The following SNX5 variants were observed in gnomAD, a reference collection of about 807,000 sequenced individuals.
SNX5 encodes sorting nexin-5.
In SNX5, 31 loss-of-function variants were observed where a neutral mutation model predicts 53.9. The ratio of observed to expected loss-of-function variants is 0.58; its 90% CI spans 0.43 to 0.78. The LOEUF (loss-of-function observed/expected upper bound fraction) is 0.78, where lower values mean the gene tolerates loss of function less well. Among genes scored for constraint, SNX5 ranks in the 30% least tolerant of loss-of-function variants. The pLI is 0.00. For synonymous variants in SNX5, 168 were observed against 171.1 expected (o/e 0.98, Z 0.14); for missense variants, 471 against 478.8 (o/e 0.98, Z 0.15).
In SNX5 at chr20:17,968,477, G is replaced by C. The variant is rs1029587579; in HGVS notation, c.-52C>G. The C allele has an allele frequency of 2.2e-5, 28 of 1,289,382 alleles. No individual in the cohort carries two copies. Among genetic ancestry groups the C allele is most frequent in the Non-Finnish European group, 2.7e-5 (27 of 1,016,562 alleles). The allele number at this position is 1,289,382 out of a possible 1,614,324, so 79.9% of individuals were successfully genotyped here. ...GCCTGGCTGTGCGAGGAAAGAAGAA[G>C]CTGGGCCGCCGCCGCCGCCGCCTGG... On this transcript the variant is annotated 5_prime_UTR_variant, in exon 1 of 13. Coordinates refer to ENST00000377759, the MANE Select transcript of SNX5 (RefSeq NM_014426.4).
chr20:17,967,869 G>T (rs999530933), intron 1 of SNX5: 4 of 395,536 alleles, frequency 1.0e-5, no homozygotes, highest in Admixed American at 4.4e-5. Context: ...AACGCATTTT[G>T]CGTTTCTAAA....
At chr20:17,956,132 G>A (rs6111758) in intron 2 of SNX5, among the ~76,000 whole-genome samples, 43,162 of 151,014 alleles carry the variant, frequency 0.29, 6,330 homozygotes, top group East Asian at 0.44. Context: ...TTATGACAAA[G>A]AAGAAAAATA....
chr20:17,956,105 TACCCCCC>T (rs1480014630), intron 2 of SNX5, among the ~76,000 whole-genome samples: 2 of 152,068 alleles, frequency 1.3e-5, no homozygotes, highest in South Asian at 2.1e-4. Flanking sequence ...AGTCTGAATT[TACCCCCC>T]ACCCCCAACT....
intron 3 of SNX5, among the ~76,000 whole-genome samples, chr20:17,955,116 G>T (rs1159350622): frequency 6.6e-6 from 1 of 152,004 alleles, no homozygotes. Flanking sequence ...CCTAAAGGTA[G>T]GTAAGACTAA....
rs1568590075 is a variant in SNX5 at position 17,950,187 on chromosome 20, G to C, written c.736C>G (p.His246Asp). The C allele has an allele frequency of 6.2e-7, 1 of 1,614,160 alleles. No individual in the cohort carries two copies. Among genetic ancestry groups the C allele is most frequent in the Non-Finnish European group, 8.5e-7 (1 of 1,180,004 alleles). ...AGGCTATGTAAGCAGGCTGCGGTGT[G>C]GATATAGTCATCGGCAACATCTGCA... ...SHKNVADDYI[H>D]TAACLHSLAL... is the part of the protein sequence containing the mutation. Residue 246 changes from histidine (H) to aspartate (D), a missense_variant, in exon 8 of 13, where the codon CAC becomes GAC. Transcript: ENST00000377759.
intron 1 of SNX5, among the ~76,000 whole-genome samples, chr20:17,963,403 C>T (rs1600355591): frequency 6.6e-6 from 1 of 152,196 alleles, no homozygotes; most frequent in South Asian, 2.1e-4. Flanking sequence ...GATTTTGAGT[C>T]TGCAGTGAAC....
chr20:17,944,547 TTTTC>T (rs2039460260), intron 11 of SNX5: 2 of 152,088 alleles, frequency 1.3e-5, no homozygotes, highest in South Asian at 4.2e-4. Flanking sequence ...ATCTACTCCT[TTTTC>T]TTTTTTTTTC....
rs59252584 is a variant in SNX5 at position 17,956,673 on chromosome 20, C to CAAAAAA, written c.156+254_156+259dup. Among the ~76,000 whole-genome samples the CAAAAAA allele has an allele frequency of 1.8e-3, 149 of 84,864 alleles. 6 individuals are homozygous for CAAAAAA. Among genetic ancestry groups the CAAAAAA allele is most frequent in the African/African-American group, 2.7e-3 (56 of 21,008 alleles). 55.7% of individuals were successfully genotyped at this position (84,864 alleles called of 152,430 possible). On this transcript the variant is annotated intron_variant, in intron 2 of 12. Transcript: ENST00000377759. ...CTGGGCAACACAATGAGACTGTCTC[C>CAAAAAA]AAAAAAAAAAAAAAAAAAAAAAAAA...
intron 10 of SNX5, among the ~76,000 whole-genome samples, chr20:17,948,019 G>T (rs1341241651): frequency 6.6e-6 from 1 of 152,234 alleles, no homozygotes; most frequent in Non-Finnish European, 1.5e-5. Flanking sequence ...ACTGGGCAAT[G>T]AAGTAGTAAG....
chr20:17,953,374 T>C (rs3790303), intron 4 of SNX5, among the ~76,000 whole-genome samples: 39,994 of 152,192 alleles, frequency 0.26, 5,744 homozygotes, highest in East Asian at 0.44. Flanking sequence ...AAATCTATTT[T>C]TGTTTGAAAA....
At chr20:17,950,854 A>G (rs1272466494) in intron 6 of SNX5, among the ~76,000 whole-genome samples, 2 of 152,166 alleles carry the variant, frequency 1.3e-5, no homozygotes, top group Non-Finnish European at 1.5e-5. Context: ...CATACACCTT[A>G]AACTGGACCA....
At chr20:17,957,263 G>A (rs765796972) in intron 1 of SNX5, among the ~76,000 whole-genome samples, 7 of 151,806 alleles carry the variant, frequency 4.6e-5, no homozygotes, top group Non-Finnish European at 1.0e-4. Flanking sequence ...GTGAAACCCC[G>A]TCTCTACTAA....
chr20:17,953,729 C>T (rs2035305420), intron 4 of SNX5, among the ~76,000 whole-genome samples: 2 of 152,164 alleles, frequency 1.3e-5, no homozygotes, highest in African/African-American at 4.8e-5. Context: ...GACCAGCATC[C>T]TTAATAAGTA....
Position 17,950,340 on chromosome 20 carries a change from C to T in SNX5, c.666G>A (p.Arg222=). 1 of 1,613,576 alleles carries T rather than the reference C, an allele frequency of 6.2e-7. No individual in the cohort carries two copies. Among genetic ancestry groups the T allele is most frequent in the Non-Finnish European group, 8.5e-7 (1 of 1,179,618 alleles). ...CAGCTTTCACACAAGAATCTTTGAT[C>T]CTATTGTAATAGTTAATAAGGAAGT... is the stretch of plus-strand genomic sequence containing the variant. The part of the protein sequence containing the change: ...EKNFLINYYN[R]IKDSCVKADK... The change falls in exon 7 of 13, where the codon AGG becomes AGA. Residue 222 remains arginine, a synonymous_variant. Transcript: ENST00000377759.
chr20:17,953,299 G>C (rs1254942004), intron 4 of SNX5, among the ~76,000 whole-genome samples: 1 of 152,202 alleles, frequency 6.6e-6, no homozygotes, highest in Non-Finnish European at 1.5e-5. Flanking sequence ...TTGAAGAGGG[G>C]AGGAATGAGT....
intron 1 of SNX5, among the ~76,000 whole-genome samples, chr20:17,960,869 T>A (rs1232658239): frequency 2.6e-5 from 4 of 151,974 alleles, no homozygotes; most frequent in African/African-American, 9.7e-5. Context: ...TTTTAAAAAA[T>A]TTTTAAAAAC....
chr20:17,965,902 C>T (rs2035529219), intron 1 of SNX5, among the ~76,000 whole-genome samples: 1 of 152,042 alleles, frequency 6.6e-6, no homozygotes, highest in African/African-American at 2.4e-5. Context: ...TTTGGACTTG[C>T]TATGGTATTG....
Position 17,968,710 on chromosome 20 carries a change from C to G in SNX5, c.-285G>C, listed in dbSNP as rs1448580673. ...CCACGTGGGGCCTACCCTTGCTCCG[C>G]TCCACGAGGAGGCCGCCAACCGCAG... is the stretch of plus-strand genomic sequence containing the variant. On this transcript the variant is annotated 5_prime_UTR_variant, in exon 1 of 13. Transcript: ENST00000377759. 3 of 452,752 alleles carry G rather than the reference C, an allele frequency of 6.6e-6. No homozygotes were observed. Among genetic ancestry groups the G allele is most frequent in the South Asian group, 4.8e-5 (2 of 42,008 alleles). The allele number at this position is 452,752 out of a possible 1,614,324, so 28.0% of individuals were successfully genotyped here.
chr20:17,966,787 A>G (rs8120041), intron 1 of SNX5, among the ~76,000 whole-genome samples: 42,922 of 152,084 alleles, frequency 0.28, 6,281 homozygotes, highest in East Asian at 0.44. Flanking sequence ...ATTATGGCAA[A>G]AAGTTGCCCA....
Sources: allele counts gnomAD v4.1 joint callset (sites outside exome capture counted in the v4.1 genomes callset), GRCh38; gene constraint gnomAD v4.1.1; transcripts MANE v1.5; gene names NCBI Gene and HGNC (gene_info 2026-07-23, HGNC 2026-07-21).